Variants in FAM13A observed in about 807,000 individuals in gnomAD.
FAM13A encodes the protein protein FAM13A.
A neutral mutation model predicts 129.6 loss-of-function variants in FAM13A; 76 were observed. The observed-to-expected ratio is 0.59, with a 90% CI of 0.49 to 0.71. The LOEUF is 0.71. Among genes scored for constraint, FAM13A ranks in the 30% least tolerant of loss-of-function variants. The pLI, the probability that FAM13A is intolerant of heterozygous loss-of-function variation, is 0.00. For missense variants in FAM13A, 1,108 were observed against 1,249.3 expected, an observed-to-expected ratio of 0.89 and a Z score of 1.70; for synonymous variants, 443 against 449.9, an observed-to-expected ratio of 0.98 and a Z score of 0.20.
At chr4:89,036,903 G>A (rs946573771) in intron 1 of FAM13A, among the ~76,000 whole-genome samples, 2 of 152,218 alleles carry the variant, frequency 1.3e-5, no homozygotes, top group African/African-American at 2.4e-5. Context: ...GGTGCACAGA[G>A]GGCAAAAGTT....
At chr4:88,801,069 A>G (rs1045327046) in intron 8 of FAM13A, among the ~76,000 whole-genome samples, 1 of 152,210 alleles carries the variant, frequency 6.6e-6, no homozygotes, top group Non-Finnish European at 1.5e-5. Flanking sequence ...ACAAACATAC[A>G]AATTCTAGCA....
chr4:88,788,196 C>G (rs905254531), intron 9 of FAM13A, among the ~76,000 whole-genome samples: 47 of 152,174 alleles, frequency 3.1e-4, no homozygotes, highest in Middle Eastern at 6.3e-3. Context: ...CATGGCAAGT[C>G]TAGCAACAAT....
chr4:88,979,030 C>T (rs1449000692), intron 4 of FAM13A, among the ~76,000 whole-genome samples: 3 of 152,048 alleles, frequency 2.0e-5, no homozygotes, highest in Admixed American at 6.6e-5. Flanking sequence ...ATAAAAAAGA[C>T]GAGCACCAGC....
chr4:88,768,195 T>C, intron 11 of FAM13A, 136 bp from the exon 12 acceptor site: 1 of 561,466 alleles, frequency 1.8e-6, no homozygotes, highest in East Asian at 2.9e-5. Flanking sequence ...TTTATCTTTG[T>C]TTAAACTAGT....
chr4:88,986,442 C>A (rs978938211), intron 4 of FAM13A, among the ~76,000 whole-genome samples: 3 of 152,194 alleles, frequency 2.0e-5, no homozygotes, highest in African/African-American at 7.2e-5. Flanking sequence ...CCAATTTTCA[C>A]TTTTAAGCCA....
rs141305964 is a variant in FAM13A, at chr4:88,933,172, T to C, written c.759+4916A>G. The stretch of plus-strand genomic sequence containing the variant: ...ACACTGTCTAATAAAGAAAGTCTTA[T>C]AACATGTTTATCTGGAATAGGCTCA... On this transcript the variant is annotated intron_variant, in intron 5 of 23. Coordinates refer to ENST00000264344, the MANE Select transcript of FAM13A (RefSeq NM_014883.4). Among the ~76,000 whole-genome samples, 18 of 152,334 alleles carry C rather than the reference T, an allele frequency of 1.2e-4. No homozygotes were observed. In the East Asian group the frequency reaches 3.5e-3, roughly 29 times the overall value.
At chr4:88,922,674 T>C (rs1226330071) in intron 5 of FAM13A, among the ~76,000 whole-genome samples, 1 of 152,072 alleles carries the variant, frequency 6.6e-6, no homozygotes, top group Non-Finnish European at 1.5e-5. Flanking sequence ...ATTCAAAAGC[T>C]AGCAGAAGGC....
chr4:89,003,206 G>A (rs1380386721), intron 3 of FAM13A, among the ~76,000 whole-genome samples: 4 of 150,198 alleles, frequency 2.7e-5, no homozygotes, highest in African/African-American at 7.4e-5. Context: ...GGGCCCCAAA[G>A]AGGAATCACC....
At chr4:89,046,298 TATACTC>T (rs1770848956) in intron 1 of FAM13A, among the ~76,000 whole-genome samples, 2 of 152,194 alleles carry the variant, frequency 1.3e-5, no homozygotes, top group South Asian at 4.1e-4. Context: ...CTGGAACAGT[TATACTC>T]AAAAGAGAAG....
intron 19 of FAM13A, among the ~76,000 whole-genome samples, chr4:88,746,024 C>G (rs1354479620): frequency 6.6e-6 from 1 of 152,108 alleles, no homozygotes; most frequent in Non-Finnish European, 1.5e-5. Flanking sequence ...CCTCCCACAC[C>G]TTAGAGTCTA....
chr4:88,808,258 C>T (rs1728976015), intron 7 of FAM13A, among the ~76,000 whole-genome samples: 1 of 152,066 alleles, frequency 6.6e-6, no homozygotes, highest in South Asian at 2.1e-4. Flanking sequence ...AATGCATTGA[C>T]TTCGAAGGTA....
intron 20 of FAM13A, among the ~76,000 whole-genome samples, chr4:88,737,968 C>T (rs1277375706): frequency 1.3e-5 from 2 of 152,174 alleles, no homozygotes; most frequent in African/African-American, 4.8e-5. Flanking sequence ...GCACCTTCAC[C>T]CTACTTAGGG....
chr4:88,886,775 C>T (rs1244080552), intron 6 of FAM13A, among the ~76,000 whole-genome samples: 9 of 151,648 alleles, frequency 5.9e-5, no homozygotes, highest in Admixed American at 1.3e-4. Context: ...GGCATGGTGA[C>T]GCATGCCTGT....
At chr4:88,875,670 G>A (rs554099655) in intron 6 of FAM13A, among the ~76,000 whole-genome samples, 1 of 152,292 alleles carries the variant, frequency 6.6e-6, no homozygotes, top group Admixed American at 6.5e-5. Context: ...TGGAGAAATA[G>A]GAACACTTTT....
intron 5 of FAM13A, among the ~76,000 whole-genome samples, chr4:88,913,039 A>T (rs908123781): frequency 2.9e-5 from 4 of 139,900 alleles, no homozygotes; most frequent in African/African-American, 7.9e-5. Flanking sequence ...GAAGAAGAAG[A>T]AGTAGTAGAA....
At chr4:88,730,264 C>A (rs1737375740) in intron 23 of FAM13A, among the ~76,000 whole-genome samples, 1 of 152,204 alleles carries the variant, frequency 6.6e-6, no homozygotes, top group African/African-American at 2.4e-5. Context: ...CTGGTTCTTT[C>A]CTCAGGCTCC....
At chr4:88,903,776 G>A (rs928364788) in intron 6 of FAM13A, among the ~76,000 whole-genome samples, 21 of 152,080 alleles carry the variant, frequency 1.4e-4, no homozygotes, top group Admixed American at 7.9e-4. Flanking sequence ...ATTGACAAAC[G>A]GGATCTAGTT....
chr4:88,824,493 T>C (rs1732624899), intron 7 of FAM13A, among the ~76,000 whole-genome samples: 2 of 152,198 alleles, frequency 1.3e-5, no homozygotes, highest in African/African-American at 4.8e-5. Flanking sequence ...ACTATCATCA[T>C]ACATAATGAT....
At chr4:88,881,448 C>T (rs948030666) in intron 6 of FAM13A, among the ~76,000 whole-genome samples, 3 of 152,176 alleles carry the variant, frequency 2.0e-5, no homozygotes, top group Non-Finnish European at 4.4e-5. Context: ...ATCAAGGGAA[C>T]ACCCCATGGG....
Sources: allele counts gnomAD v4.1 joint callset (sites outside exome capture counted in the v4.1 genomes callset), GRCh38; gene constraint gnomAD v4.1.1; transcripts MANE v1.5; gene names NCBI Gene and HGNC (gene_info 2026-07-23, HGNC 2026-07-21).